Variants in CFAP221 observed in about 807,000 individuals in gnomAD.
The protein encoded by CFAP221 is cilia and flagella associated protein 221, also known as cilia- and flagella-associated protein 221.
In CFAP221, 97 loss-of-function variants were observed where a neutral mutation model predicts 113.1. The observed-to-expected ratio is 0.86, with a 90% confidence interval of 0.73 to 1.02. The LOEUF (loss-of-function observed/expected upper bound fraction) is 1.02, where lower values mean the gene tolerates loss of function less well. Among genes scored for constraint, CFAP221 ranks in the 50% least tolerant of loss-of-function variants. The pLI is 0.00. For synonymous variants in CFAP221, 331 were observed against 354.4 expected (o/e 0.93, Z 0.74); for missense variants, 1,025 against 1,013.4 (o/e 1.01, Z -0.16).
chr2:119,640,487 T>C (rs1050275826), intron 21 of CFAP221, among the ~76,000 whole-genome samples: 2 of 152,222 alleles, frequency 1.3e-5, no homozygotes, highest in Non-Finnish European at 2.9e-5. Context: ...ATCAAAGAAG[T>C]AGCCTGGTGC....
At position 119,630,799 on chromosome 2, in the gene CFAP221, A is replaced by G. The variant is rs780616541; in HGVS notation, c.1872A>G (p.Lys624=). Residue 624 remains lysine, a synonymous_variant, in exon 19 of 24, where the codon AAA becomes AAG. Coordinates refer to ENST00000413369, the MANE Select transcript of CFAP221 (RefSeq NM_001271049.2). ...DEVTTITALP[K]QDSTTQLSGK... ...TCACCACCATCACAGCCCTTCCGAA[A>G]CAGGACTCCACAACTCAGCTCTCTG... 1.3e-5 allele frequency: 21 copies of G among 1,612,952 alleles called. No homozygotes were observed. The South Asian group carries it at 2.1e-4, about 16-fold the overall frequency.
intron 7 of CFAP221, among the ~76,000 whole-genome samples, chr2:119,588,728 C>G (rs1490432031): frequency 6.6e-6 from 1 of 152,106 alleles, no homozygotes; most frequent in Non-Finnish European, 1.5e-5. Context: ...TTGTTTATTA[C>G]TTAATATTTT....
chr2:119,632,404 A>T (rs983641617), intron 19 of CFAP221, among the ~76,000 whole-genome samples: 1 of 152,212 alleles, frequency 6.6e-6, no homozygotes, highest in Non-Finnish European at 1.5e-5. Flanking sequence ...AAGGAAAAAC[A>T]TCTCAATAGT....
chr2:119,545,768 G>A (rs1368332110), intron 1 of CFAP221, among the ~76,000 whole-genome samples: 1 of 152,124 alleles, frequency 6.6e-6, no homozygotes, highest in African/African-American at 2.4e-5. Flanking sequence ...TTGACTGAGA[G>A]CCTTTATTTT....
At chr2:119,629,212 C>T (rs1686589434) in intron 16 of CFAP221, among the ~76,000 whole-genome samples, 1 of 152,002 alleles carries the variant, frequency 6.6e-6, no homozygotes, top group Non-Finnish European at 1.5e-5. Context: ...TTTTTGAGTG[C>T]CTGTCATATT....
chr2:119,627,539 AT>A, intron 15 of CFAP221, 113 bp from the exon 16 acceptor site: 2 of 792,304 alleles, frequency 2.5e-6, no homozygotes, highest in Non-Finnish European at 3.9e-6. Flanking sequence ...ATATATATAT[AT>A]ATATACACAC....
intron 21 of CFAP221, among the ~76,000 whole-genome samples, chr2:119,644,189 A>G (rs1185015363): frequency 1.3e-5 from 2 of 152,206 alleles, no homozygotes; most frequent in Admixed American, 1.3e-4. Context: ...AATAAATAAA[A>G]GCAAAACAAA....
intron 3 of CFAP221, among the ~76,000 whole-genome samples, chr2:119,557,688 G>C (rs189390012): frequency 6.6e-6 from 1 of 152,194 alleles, no homozygotes; most frequent in Admixed American, 6.5e-5. Context: ...GCTGGGTTAG[G>C]ATCCTTCAGT....
intron 19 of CFAP221, among the ~76,000 whole-genome samples, chr2:119,637,460 G>A (rs1258215726): frequency 6.6e-6 from 1 of 152,168 alleles, no homozygotes; most frequent in Non-Finnish European, 1.5e-5. Context: ...TAAGCTAAGT[G>A]GTTTTGTGGG....
At chr2:119,570,899 A>G (rs1479522825) in intron 6 of CFAP221, among the ~76,000 whole-genome samples, 1 of 152,184 alleles carries the variant, frequency 6.6e-6, no homozygotes, top group Non-Finnish European at 1.5e-5. Flanking sequence ...AAATACCTAG[A>G]AGTGGAATTG....
At chr2:119,659,021 A>C (rs1018388643), downstream of CFAP221, among the ~76,000 whole-genome samples, 3 of 147,422 alleles carry the variant, frequency 2.0e-5, no homozygotes, top group Non-Finnish European at 4.5e-5. Flanking sequence ...AAAAAAAAAA[A>C]ACGCATTGAT....
intron 17 of CFAP221, 36 bp from the exon 18 acceptor site, chr2:119,630,533 AG>A (rs748588446): frequency 6.7e-7 from 1 of 1,494,468 alleles, no homozygotes; most frequent in Admixed American, 1.7e-5. Context: ...AAATGGTAAC[AG>A]GTTTTTAAGG....
chr2:119,601,436 T>C, intron 8 of CFAP221, 59 bp downstream of exon 8: 1 of 1,361,666 alleles, frequency 7.3e-7, no homozygotes, highest in Non-Finnish European at 9.7e-7. Flanking sequence ...AATCCAAGTC[T>C]TCCTTTCTTC....
intron 12 of CFAP221, among the ~76,000 whole-genome samples, chr2:119,609,289 AT>A (rs1684987147): frequency 6.6e-6 from 1 of 152,202 alleles, no homozygotes; most frequent in Admixed American, 6.5e-5. Context: ...CTGTGTCTGA[AT>A]TTAATTGGTA....
intron 3 of CFAP221, among the ~76,000 whole-genome samples, chr2:119,549,727 CA>C (rs1310134822): frequency 1.2e-4 from 19 of 152,214 alleles, no homozygotes; most frequent in Admixed American, 1.2e-3. Context: ...GTCAGATGCC[CA>C]TGCCTAATCA....
chr2:119,568,525 G>T (rs1681807464), intron 6 of CFAP221, among the ~76,000 whole-genome samples: 1 of 151,942 alleles, frequency 6.6e-6, no homozygotes, highest in Admixed American at 6.6e-5. Flanking sequence ...AGTGTGTGTT[G>T]TTCCCCTCCC....
intron 19 of CFAP221, 175 bp downstream of exon 19, chr2:119,631,076 T>C (rs1686742646): frequency 7.6e-6 from 10 of 1,313,548 alleles, no homozygotes; most frequent in Non-Finnish European, 9.7e-6. Flanking sequence ...ATATCAGTGA[T>C]TCCGTCTTTT....
rs1366688663 is a variant in CFAP221, at chr2:119,544,504, C to T, written c.-54C>T. ...CGGCCGAATCCGGCCCGGGAACCAC[C>T]TCCAGGGTGAGCGGCCAGGGACCTG... On this transcript the variant is annotated 5_prime_UTR_variant, in exon 1 of 24. Transcript: ENST00000413369. 6.6e-6 allele frequency: 1 copy of T among 151,996 alleles called. No homozygotes were observed. The highest frequency in any genetic ancestry group is 2.1e-4 in the South Asian group (1 of 4,838). The allele number at this position is 151,996 out of a possible 1,614,324, so 9.4% of individuals were successfully genotyped here. A position where few individuals can be genotyped will look rare whatever the true frequency, so the allele number is the denominator to read the frequency against.
chr2:119,620,520 C>G (rs1685831664), intron 14 of CFAP221, among the ~76,000 whole-genome samples: 1 of 152,122 alleles, frequency 6.6e-6, no homozygotes, highest in African/African-American at 2.4e-5. Flanking sequence ...GAAATAAAAT[C>G]CTTTACAGAC....
Sources: gnomAD v4.1 joint callset for allele counts (sites outside exome capture counted in the v4.1 genomes callset) on GRCh38, gnomAD v4.1.1 for gene constraint, MANE v1.5 for transcripts, NCBI Gene and HGNC (gene_info 2026-07-23, HGNC 2026-07-21) for gene names.